RIT2: variants seen among roughly 807,000 people sequenced by gnomAD.
RIT2 encodes GTP-binding protein Rit2.
Under a neutral mutation model 23.7 loss-of-function variants are expected in RIT2, and 24 were observed. The ratio of observed to expected loss-of-function variants is 1.01; its 90% confidence interval spans 0.73 to 1.43. The LOEUF (loss-of-function observed/expected upper bound fraction) is 1.43, where lower values mean the gene tolerates loss of function less well. RIT2 is among the 40% of genes most tolerant of loss of function. The pLI is 0.00. For missense variants in RIT2, 236 were observed against 266.9 expected (o/e 0.88, Z 0.81); for synonymous variants, 107 against 91.1 (o/e 1.17, Z -0.99).
chr18:43,005,249 T>C (rs1020205508), intron 2 of RIT2, among the ~76,000 whole-genome samples: 6 of 151,848 alleles, frequency 4.0e-5, no homozygotes, highest in African/African-American at 9.7e-5. Context: ...AAAGGAAATA[T>C]TGTAAACTAG....
At chr18:42,978,692 T>C (rs1910528910) in intron 2 of RIT2, among the ~76,000 whole-genome samples, 1 of 152,104 alleles carries the variant, frequency 6.6e-6, no homozygotes, top group Non-Finnish European at 1.5e-5. Flanking sequence ...TCCACTACCT[T>C]AAAATTTATC....
chr18:42,863,036 T>TA (rs1035024994), intron 4 of RIT2, among the ~76,000 whole-genome samples: 2 of 152,004 alleles, frequency 1.3e-5, no homozygotes, highest in Non-Finnish European at 2.9e-5. Context: ...CCTCCTGTTT[T>TA]TTTTTTTTTC....
intron 4 of RIT2, among the ~76,000 whole-genome samples, chr18:42,824,808 T>C (rs192857007): frequency 2.1e-4 from 32 of 151,528 alleles, no homozygotes; most frequent in African/African-American, 7.5e-4. Flanking sequence ...AGAAAAAAAC[T>C]AAGGAGAAAA....
intron 3 of RIT2, among the ~76,000 whole-genome samples, chr18:42,948,556 T>A (rs1168477535): frequency 6.6e-6 from 1 of 152,066 alleles, no homozygotes; most frequent in Non-Finnish European, 1.5e-5. Flanking sequence ...AAAGTGCACA[T>A]GGATTCTAGA....
chr18:43,047,904 C>T (rs1357312352), intron 1 of RIT2, among the ~76,000 whole-genome samples: 1 of 152,014 alleles, frequency 6.6e-6, no homozygotes, highest in Non-Finnish European at 1.5e-5. Flanking sequence ...TGTTTAAACC[C>T]ATCATGGAGT....
At chr18:42,854,095 C>A (rs190584342) in intron 4 of RIT2, among the ~76,000 whole-genome samples, 2 of 152,112 alleles carry the variant, frequency 1.3e-5, no homozygotes, top group African/African-American at 2.4e-5. Context: ...TAAACATTAG[C>A]TCTAACTCTA....
At chr18:42,771,915 A>G (rs1913560659) in intron 4 of RIT2, among the ~76,000 whole-genome samples, 1 of 152,154 alleles carries the variant, frequency 6.6e-6, no homozygotes, top group African/African-American at 2.4e-5. Flanking sequence ...CTGTCAGTCC[A>G]TGTATGATTT....
intron 3 of RIT2, among the ~76,000 whole-genome samples, chr18:42,972,975 A>T (rs1447690918): frequency 6.6e-6 from 1 of 151,814 alleles, no homozygotes; most frequent in African/African-American, 2.4e-5. Context: ...AGTTCTCTTG[A>T]TTTGCCTTAA....
chr18:42,817,265 T>C (rs1906025649), intron 4 of RIT2, among the ~76,000 whole-genome samples: 1 of 152,182 alleles, frequency 6.6e-6, no homozygotes, highest in Non-Finnish European at 1.5e-5. Context: ...TCTTTTTTAA[T>C]ATTTTTCATC....
At chr18:42,985,287 G>A (rs1311619522) in intron 2 of RIT2, among the ~76,000 whole-genome samples, 1 of 152,104 alleles carries the variant, frequency 6.6e-6, no homozygotes. Flanking sequence ...ATCTAAATAA[G>A]TGGAGGTATA....
chr18:42,783,791 A>C (rs1190598879), intron 4 of RIT2, among the ~76,000 whole-genome samples: 1 of 151,716 alleles, frequency 6.6e-6, no homozygotes, highest in Non-Finnish European at 1.5e-5. Flanking sequence ...CTTGCTTTAA[A>C]AATAATTTAT....
intron 1 of RIT2, among the ~76,000 whole-genome samples, chr18:43,084,817 C>G (rs1390171927): frequency 6.6e-6 from 1 of 152,126 alleles, no homozygotes; most frequent in Non-Finnish European, 1.5e-5. Context: ...TTGATGGGTA[C>G]AGCAAACCAC....
chr18:42,939,953 G>C (rs530986960), intron 3 of RIT2, among the ~76,000 whole-genome samples: 8 of 152,042 alleles, frequency 5.3e-5, no homozygotes, highest in African/African-American at 1.9e-4. Flanking sequence ...GCATTTATTT[G>C]ACCATTTCCT....
chr18:42,928,779 A>G (rs1353836801), intron 3 of RIT2, among the ~76,000 whole-genome samples: 5 of 151,882 alleles, frequency 3.3e-5, no homozygotes, highest in Admixed American at 6.6e-5. Flanking sequence ...ATAAATGCCA[A>G]TAATATGAGG....
intron 4 of RIT2, among the ~76,000 whole-genome samples, chr18:42,796,575 T>A (rs529962164): frequency 2.0e-5 from 3 of 152,318 alleles, no homozygotes; most frequent in Non-Finnish European, 2.9e-5. Flanking sequence ...TGAATTAAGC[T>A]GAAGCTCTCC....
chr18:42,851,128 T>G (rs1907043925), intron 4 of RIT2, among the ~76,000 whole-genome samples: 1 of 152,202 alleles, frequency 6.6e-6, no homozygotes, highest in African/African-American at 2.4e-5. Flanking sequence ...GGTGCCACTT[T>G]TTAATTCAGA....
chr18:42,846,051 G>A (rs947432531), intron 4 of RIT2, among the ~76,000 whole-genome samples: 1 of 151,806 alleles, frequency 6.6e-6, no homozygotes. Flanking sequence ...ACATACATAA[G>A]AGCAGGAATT....
In RIT2 at chr18:42,940,376, ATAGT is replaced by A. The variant is rs1350362746; in HGVS notation, c.235-16617_235-16614del. ...TATTATGTATTCACTAACATTATAT[ATAGT>A]TAAATATATATAATTTGTATATATA... On this transcript the variant is annotated intron_variant, in intron 3 of 4. Transcript: ENST00000326695. 8.1e-5 allele frequency among the ~76,000 whole-genome samples: 12 copies of A among 148,490 alleles called. No individual in the cohort carries two copies. The South Asian group carries it at 2.1e-3, about 26-fold the overall frequency.
At chr18:43,008,262 T>C (rs1911270145) in intron 2 of RIT2, among the ~76,000 whole-genome samples, 1 of 151,640 alleles carries the variant, frequency 6.6e-6, no homozygotes, top group African/African-American at 2.4e-5. Context: ...TATGTAAATA[T>C]ACTCATATAG....
Sources: allele counts gnomAD v4.1 joint callset (sites outside exome capture counted in the v4.1 genomes callset), GRCh38; gene constraint gnomAD v4.1.1; transcripts MANE v1.5; gene names NCBI Gene and HGNC (gene_info 2026-07-23, HGNC 2026-07-21).